SH3GL1: variants seen among roughly 807,000 people sequenced by gnomAD.
SH3GL1 encodes the protein SH3 domain containing GRB2 like 1, endophilin A2.
Under a neutral mutation model 48.8 loss-of-function variants are expected in SH3GL1, and 21 were observed. The observed-to-expected ratio is 0.43, with a 90% CI of 0.30 to 0.62. The LOEUF is 0.62. SH3GL1 is among the 20% of genes least tolerant of loss of function. The pLI, the probability that SH3GL1 is intolerant of heterozygous loss-of-function variation, is 0.11. For missense variants in SH3GL1, 454 were observed against 503.0 expected, an observed-to-expected ratio of 0.90 and a Z score of 0.93; for synonymous variants, 282 against 217.5, an observed-to-expected ratio of 1.30 and a Z score of -2.61.
chr19:4,364,052 G>GA (rs751693956), intron 5 of SH3GL1, 36 bp downstream of exon 5: 22 of 1,611,366 alleles, frequency 1.4e-5, no homozygotes, highest in Non-Finnish European at 1.6e-5. Flanking sequence ...CCGGCAGGGG[G>GA]AAGGGACAGG....
In SH3GL1 at chr19:4,362,643, G is replaced by T; in HGVS notation, c.822C>A (p.Gly274=). The T allele has an allele frequency of 6.2e-7, 1 of 1,613,888 alleles. No homozygotes were observed. Among genetic ancestry groups the T allele is most frequent in the Middle Eastern group, 1.7e-4 (1 of 5,948 alleles). Residue 274 remains glycine (G), a synonymous_variant, in exon 8 of 10, where the codon GGC becomes GGA. Coordinates refer to ENST00000269886, the MANE Select transcript of SH3GL1 (RefSeq NM_003025.4). ...TCTTGGGGGCTGTGGTGCAGGGGAA[G>T]CCCCCGTTGGACTGCTCAGGCTCTC... ...DLGEPEQSNG[G]FPCTTAPKIA...
intron 1 of SH3GL1, among the ~76,000 whole-genome samples, chr19:4,372,372 G>A (rs1972919646): frequency 6.6e-6 from 1 of 152,210 alleles, no homozygotes; most frequent in African/African-American, 2.4e-5. Flanking sequence ...CCTCACAGTG[G>A]GCGCAGTTCT....
rs182806704 is a variant in SH3GL1, at chr19:4,379,188, C to T, written c.46-12194G>A. Among the ~76,000 whole-genome samples the T allele has an allele frequency of 3.3e-5, 5 of 152,180 alleles. No homozygotes were observed. In the East Asian group the frequency reaches 9.7e-4, roughly 29 times the overall value. ...AGCAAAGGACTGCCAGGCTTGGTGGCTCATGCCTGTAATCCCAGCACTTTA... is the reference window on the plus strand; with the variant it reads ...AGCAAAGGACTGCCAGGCTTGGTGGTTCATGCCTGTAATCCCAGCACTTTA... On this transcript the variant is annotated intron_variant, in intron 1 of 9. Coordinates refer to ENST00000269886, the MANE Select transcript of SH3GL1 (RefSeq NM_003025.4).
At chr19:4,393,926 G>C (rs1945725511) in intron 1 of SH3GL1, among the ~76,000 whole-genome samples, 1 of 151,844 alleles carries the variant, frequency 6.6e-6, no homozygotes, top group Non-Finnish European at 1.5e-5. Context: ...CCCCCAAATA[G>C]GTGGGGCCCA....
rs1293541913 is a variant in SH3GL1, at chr19:4,363,821, GC to G, written c.522del (p.Gln175ArgfsTer38). ...RRLDFDYKKKRQGKIPDEELR... is the reference protein window; with the variant it reads ...RRLDFDYKKKXQGKIPDEELR... Reference sequence around the variant, plus strand: ...AGCTCCTCATCGGGGATCTTGCCCTGCCGCTTCTTCTTGTAGTCAAAGTCCA... The same window carrying G: ...AGCTCCTCATCGGGGATCTTGCCCTGCGCTTCTTCTTGTAGTCAAAGTCCA... On this transcript the variant is annotated frameshift_variant, in exon 6 of 10. Coordinates refer to ENST00000269886, the MANE Select transcript of SH3GL1 (RefSeq NM_003025.4). LOFTEE classifies it high-confidence loss of function. 6.2e-7 allele frequency: 1 copy of G among 1,613,418 alleles called. No individual in the cohort carries two copies. Among genetic ancestry groups the G allele is most frequent in the Middle Eastern group, 1.8e-4 (1 of 5,610 alleles).
At chr19:4,380,709 G>A (rs2144898279) in intron 1 of SH3GL1, among the ~76,000 whole-genome samples, 1 of 152,286 alleles carries the variant, frequency 6.6e-6, no homozygotes, top group Non-Finnish European at 1.5e-5. Context: ...GTCCCCTCAG[G>A]CTTAGACGGG....
chr19:4,392,581 C>T (rs1374371645), intron 1 of SH3GL1, among the ~76,000 whole-genome samples: 1 of 149,356 alleles, frequency 6.7e-6, no homozygotes, highest in Non-Finnish European at 1.5e-5. Context: ...AAAGATCATT[C>T]CATGTTTATG....
intron 1 of SH3GL1, among the ~76,000 whole-genome samples, chr19:4,378,935 C>A (rs1014890765): frequency 3.9e-5 from 6 of 152,192 alleles, no homozygotes; most frequent in African/African-American, 1.4e-4. Context: ...CTGAGTCACA[C>A]CCATCTCCAA....
At chr19:4,363,149 C>T (rs376795586) in intron 7 of SH3GL1, among the ~76,000 whole-genome samples, 9 of 152,180 alleles carry the variant, frequency 5.9e-5, no homozygotes, top group East Asian at 3.8e-4. Flanking sequence ...AGGGAGTCCC[C>T]GGGGCCTGCA....
At chr19:4,373,732 G>A (rs1392921767) in intron 1 of SH3GL1, among the ~76,000 whole-genome samples, 8 of 152,144 alleles carry the variant, frequency 5.3e-5, no homozygotes, top group African/African-American at 1.9e-4. Flanking sequence ...GAACCAGAAT[G>A]GGCTCTGCCT....
At chr19:4,365,854 C>T (rs1406434528) in intron 3 of SH3GL1, among the ~76,000 whole-genome samples, 1 of 152,190 alleles carries the variant, frequency 6.6e-6, no homozygotes, top group East Asian at 1.9e-4. Context: ...GGCAAAACCT[C>T]CTCCTTCCAA....
At chr19:4,380,866 G>A (rs1172795615) in intron 1 of SH3GL1, among the ~76,000 whole-genome samples, 1 of 152,158 alleles carries the variant, frequency 6.6e-6, no homozygotes, top group Non-Finnish European at 1.5e-5. Flanking sequence ...CTGCGAAGTT[G>A]AAGATTAGTT....
At position 4,385,100 on chromosome 19, in the gene SH3GL1, C is replaced by CAA. The variant is rs774287504; in HGVS notation, c.45+15222_45+15223dup. On this transcript the variant is annotated intron_variant, in intron 1 of 9. Coordinates refer to ENST00000269886, the MANE Select transcript of SH3GL1 (RefSeq NM_003025.4). ...GCCTGGGTGACGAGAGACTCCATCT[C>CAA]AAAAAAAAAAAAAAAAACTAGGGTA... Among the ~76,000 whole-genome samples, 987 of 109,748 alleles carry CAA rather than the reference C, an allele frequency of 9.0e-3. 10 individuals are homozygous for CAA. Among genetic ancestry groups the CAA allele is most frequent in the Admixed American group, 0.015 (149 of 9,636 alleles). The allele number at this position is 109,748 out of a possible 152,430, so 72.0% of individuals were successfully genotyped here.
At chr19:4,363,646 A>C (rs1342988062) in intron 6 of SH3GL1, 74 bp downstream of exon 6, 3 of 1,582,834 alleles carry the variant, frequency 1.9e-6, no homozygotes, top group Non-Finnish European at 2.6e-6. Flanking sequence ...TCTGTCCTCC[A>C]GCTCCCTTGA....
chr19:4,364,406 A>G, intron 4 of SH3GL1, 185 bp from the exon 5 acceptor site: 1 of 664,894 alleles, frequency 1.5e-6, no homozygotes, highest in Non-Finnish European at 2.6e-6. Context: ...AGTAGCCGGG[A>G]CCACAGGCGT....
rs1315426627 is a variant in SH3GL1 at position 4,362,367 on chromosome 19, G to A, written c.872C>T (p.Ser291Phe). 2 of 1,612,090 alleles carry A rather than the reference G, an allele frequency of 1.2e-6. No individual in the cohort carries two copies. Among genetic ancestry groups the A allele is most frequent in the African/African-American group, 2.7e-5 (2 of 74,910 alleles). Residue 291 changes from serine (S) to phenylalanine (F), a missense_variant, in exon 9 of 10, where the codon TCT (serine) becomes TTT (phenylalanine). Physicochemically the swap from Ser to Phe is radical, Grantham distance 155. Transcript: ENST00000269886. ...AGGGGTCCGGATGGGCTTGTCGGAAGATCGGAAAGACGATGAAGCTAAACA... is the reference window on the plus strand; with the variant it reads ...AGGGGTCCGGATGGGCTTGTCGGAAAATCGGAAAGACGATGAAGCTAAACA... ...PKIAASSSFR[S>F]SDKPIRTPSR...
intron 4 of SH3GL1, chr19:4,364,451 G>A: frequency 1.8e-6 from 1 of 558,132 alleles, no homozygotes; most frequent in Non-Finnish European, 3.2e-6. Context: ...CAACTTCTTT[G>A]AGATGAAGTC....
At chr19:4,366,670 T>A in intron 2 of SH3GL1, 97 bp from the exon 3 acceptor site, 1 of 1,186,550 alleles carries the variant, frequency 8.4e-7, no homozygotes, top group Non-Finnish European at 1.2e-6. Flanking sequence ...TAAGAGCCCA[T>A]ACCAGGACCC....
At chr19:4,393,650 C>G (rs778944460) in intron 1 of SH3GL1, among the ~76,000 whole-genome samples, 1 of 151,794 alleles carries the variant, frequency 6.6e-6, no homozygotes, top group Non-Finnish European at 1.5e-5. Flanking sequence ...ATGAGCTGGG[C>G]GTGGTGGTAT....
Sources: gnomAD v4.1 joint callset for allele counts (sites outside exome capture counted in the v4.1 genomes callset) on GRCh38, gnomAD v4.1.1 for gene constraint, MANE v1.5 for transcripts, NCBI Gene and HGNC (gene_info 2026-07-23, HGNC 2026-07-21) for gene names.